RAB11FIP1: variants seen among roughly 807,000 people sequenced by gnomAD.
RAB11FIP1 encodes rab11 family-interacting protein 1.
RAB11FIP1 carries 49 observed loss-of-function variants against 83.1 expected under a neutral mutation model. The observed-to-expected ratio is 0.59, with a 90% CI of 0.47 to 0.75. The LOEUF is 0.75. Ranked by LOEUF, RAB11FIP1 falls within the 30% of genes least tolerant of loss-of-function variation. The pLI is 0.00. For synonymous variants in RAB11FIP1, 670 were observed against 656.0 expected, an observed-to-expected ratio of 1.02 and a Z score of -0.33; for missense variants, 1,536 against 1,598.7, an observed-to-expected ratio of 0.96 and a Z score of 0.67.
chr8:37,878,435 G>A (rs1006773906), intron 1 of RAB11FIP1, among the ~76,000 whole-genome samples: 12 of 150,706 alleles, frequency 8.0e-5, no homozygotes, highest in East Asian at 2.0e-4. Flanking sequence ...TCAGGAGACC[G>A]TGGCAGGAGA....
At chr8:37,883,613 A>G (rs550691658) in intron 1 of RAB11FIP1, among the ~76,000 whole-genome samples, 2 of 152,376 alleles carry the variant, frequency 1.3e-5, no homozygotes, top group East Asian at 3.9e-4. Flanking sequence ...AAACCAGAAG[A>G]ACACATCTGG....
chr8:37,881,679 G>A (rs982590243), intron 1 of RAB11FIP1, among the ~76,000 whole-genome samples: 1 of 152,086 alleles, frequency 6.6e-6, no homozygotes, highest in Admixed American at 6.6e-5. Flanking sequence ...GGTGGGTGTT[G>A]CAAGACGCAA....
intron 1 of RAB11FIP1, among the ~76,000 whole-genome samples, chr8:37,894,032 G>C (rs973076039): frequency 6.6e-6 from 1 of 152,192 alleles, no homozygotes; most frequent in African/African-American, 2.4e-5. Flanking sequence ...ATTCAGGCTT[G>C]AGCACTGAGC....
At position 37,872,737 on chromosome 8, in the gene RAB11FIP1, AC is replaced by A; in HGVS notation, c.2064del (p.Glu688AspfsTer51). On this transcript the variant is annotated frameshift_variant, in exon 4 of 6. Transcript: ENST00000330843. LOFTEE classifies it high-confidence loss of function. ...GGCTGCTCTGGGAGAGACTCCTCCA[AC>A]TCAAGGCTGCTGGTGTTCTTCTCTG... is the stretch of plus-strand genomic sequence containing the variant. ...TGTEKNTSSLELEESLPEQPE... is the reference protein window; with the variant it reads ...TGTEKNTSSLXLEESLPEQPE... 6.2e-7 allele frequency: 1 copy of A among 1,614,106 alleles called. No individual in the cohort carries two copies. The highest frequency in any genetic ancestry group is 1.1e-5 in the South Asian group (1 of 91,080).
In RAB11FIP1 at chr8:37,874,883, C is replaced by T; in HGVS notation, c.1254G>A (p.Glu418=). 13 of 1,614,124 alleles carry T rather than the reference C, an allele frequency of 8.1e-6. No homozygotes were observed. Among genetic ancestry groups the T allele is most frequent in the Non-Finnish European group, 1.1e-5 (13 of 1,180,024 alleles). The change falls in exon 3 of 6, where the codon GAG becomes GAA. Residue 418 remains glutamate (E), a synonymous_variant. Transcript: ENST00000330843. ...LRENMAPANS[E]ATKEAKESKK... ...TGCTCTCCTTAGCTTCTTTTGTGGC[C>T]TCTGAGTTTGCGGGGGCCATGTTTT...
At position 37,870,503 on chromosome 8, in the gene RAB11FIP1, C is replaced by T; in HGVS notation, c.3550G>A (p.Ala1184Thr). Residue 1184 changes from alanine to threonine, a missense_variant, in exon 5 of 6, where the codon GCA becomes ACA. Ala to Thr is a moderately conservative substitution (Grantham distance 58). Coordinates refer to ENST00000330843, the MANE Select transcript of RAB11FIP1 (RefSeq NM_001002814.3). Reference sequence around the variant, plus strand: ...CAGTTAGCAACCTTGGTGGCCATTGCATTCATTGGCTTCACAGGATGAAGT... The same window carrying T: ...CAGTTAGCAACCTTGGTGGCCATTGTATTCATTGGCTTCACAGGATGAAGT... ...HRLHPVKPMN[A>T]MATKVANCSL... The T allele has an allele frequency of 1.9e-6, 3 of 1,594,652 alleles. No individual in the cohort carries two copies. Among genetic ancestry groups the T allele is most frequent in the Non-Finnish European group, 2.6e-6 (3 of 1,163,026 alleles).
At chr8:37,867,029 C>G (rs1479563643) in intron 5 of RAB11FIP1, among the ~76,000 whole-genome samples, 2 of 152,124 alleles carry the variant, frequency 1.3e-5, no homozygotes, top group African/African-American at 2.4e-5. Flanking sequence ...TAGATAAGCC[C>G]TTGAATTAAA....
At chr8:37,874,429 G>C in intron 3 of RAB11FIP1, 86 bp downstream of exon 3, 2 of 1,044,676 alleles carry the variant, frequency 1.9e-6, no homozygotes, top group East Asian at 4.7e-5. Context: ...TGATATCATG[G>C]GACCCACAAG....
rs1028060034 is a variant in RAB11FIP1, at chr8:37,859,535, T to C, written c.*3360A>G. On this transcript the variant is annotated 3_prime_UTR_variant, in exon 6 of 6. Coordinates refer to ENST00000330843, the MANE Select transcript of RAB11FIP1 (RefSeq NM_001002814.3). ...AGGGCAGACTTACTCCTTCATCCACTCTGCTGCCTTGATGAGGTGAACACA... is the reference window on the plus strand; with the variant it reads ...AGGGCAGACTTACTCCTTCATCCACCCTGCTGCCTTGATGAGGTGAACACA... 6.6e-6 allele frequency: 1 copy of C among 152,286 alleles called. No individual in the cohort carries two copies. The highest frequency in any genetic ancestry group is 1.5e-5 in the Non-Finnish European group (1 of 68,112). The allele number at this position is 152,286 out of a possible 1,614,324, so 9.4% of individuals were successfully genotyped here. A position where few individuals can be genotyped will look rare whatever the true frequency, so the allele number is the denominator to read the frequency against.
At position 37,899,055 on chromosome 8, in the gene RAB11FIP1, C is replaced by T. The variant is rs1457473730; in HGVS notation, c.371+16G>A. 1.9e-5 allele frequency: 28 copies of T among 1,463,818 alleles called. No homozygotes were observed. Among genetic ancestry groups the T allele is most frequent in the Non-Finnish European group, 2.5e-5 (28 of 1,116,986 alleles). 90.7% of individuals were successfully genotyped at this position (1,463,818 alleles called of 1,614,324 possible). On this transcript the variant is annotated intron_variant, in intron 1 of 5. Coordinates refer to ENST00000330843, the MANE Select transcript of RAB11FIP1 (RefSeq NM_001002814.3). This position sits in a 1 kb window ranked among gnomAD's most constrained non-coding sequence, Gnocchi z 4.5. ...GCGCCCCCAGGCCGGGCCCTCCCCT[C>T]CCCGCCCGCACTCACTGCGTCTTCC...
rs79502532 is a variant in RAB11FIP1, at chr8:37,872,968, T to C, written c.1834A>G (p.Ile612Val). 2,858 of 1,614,062 alleles carry C rather than the reference T, an allele frequency of 1.8e-3. 24 individuals carry two copies. The African/African-American group carries it at 0.019, about 11-fold the overall frequency. ...CTGTCTACGAGAGGCCAGCTTTCAATTGGAGTGGATGTGGAAATGGGAGCT... is the reference window on the plus strand; with the variant it reads ...CTGTCTACGAGAGGCCAGCTTTCAACTGGAGTGGATGTGGAAATGGGAGCT... ...IAAPISTSTPIESWPLVDRGQ... is the reference protein window; with the variant it reads ...IAAPISTSTPVESWPLVDRGQ... The change falls in exon 4 of 6, where the codon ATT (isoleucine) becomes GTT (valine). Residue 612 changes from isoleucine (I) to valine (V), a missense_variant. Transcript: ENST00000330843.
In RAB11FIP1 at chr8:37,861,079, A is replaced by G. The variant is rs1178536638; in HGVS notation, c.*1816T>C. 2.0e-5 allele frequency: 3 copies of G among 153,078 alleles called. No individual in the cohort carries two copies. Among genetic ancestry groups the G allele is most frequent in the African/African-American group, 7.2e-5 (3 of 41,472 alleles). 9.5% of individuals were successfully genotyped at this position (153,078 alleles called of 1,614,324 possible). Reference sequence around the variant, plus strand: ...AGATTCTATCATAGCCAGGGAAAAAAATGAGAAATACCAGAAACATTCTAA... The same window carrying G: ...AGATTCTATCATAGCCAGGGAAAAAGATGAGAAATACCAGAAACATTCTAA... On this transcript the variant is annotated 3_prime_UTR_variant, in exon 6 of 6. Coordinates refer to ENST00000330843, the MANE Select transcript of RAB11FIP1 (RefSeq NM_001002814.3).
intron 1 of RAB11FIP1, among the ~76,000 whole-genome samples, chr8:37,890,856 T>C (rs1466463560): frequency 6.6e-6 from 1 of 152,024 alleles, no homozygotes; most frequent in African/African-American, 2.4e-5. Context: ...AGCAGAGCTT[T>C]GATTTCATAC....
At chr8:37,893,810 G>C (rs1807006510) in intron 1 of RAB11FIP1, among the ~76,000 whole-genome samples, 3 of 151,698 alleles carry the variant, frequency 2.0e-5, no homozygotes, top group Admixed American at 2.0e-4. Flanking sequence ...ATAAACTTTA[G>C]AAACAAGAAG....
chr8:37,871,463 A>G lies in RAB11FIP1; in HGVS notation c.3339T>C (p.Ser1113=). 2.5e-6 allele frequency: 4 copies of G among 1,613,938 alleles called. No homozygotes were observed. The highest frequency in any genetic ancestry group is 3.4e-6 in the Non-Finnish European group (4 of 1,179,904). ...IFPVTHSFPS[S]AHSDTHHTST... Reference sequence around the variant, plus strand: ...TGGTGTGGTGAGTGTCAGAATGTGCAGAGCTGGGGAAAGAGTGTGTGACAG... The same window carrying G: ...TGGTGTGGTGAGTGTCAGAATGTGCGGAGCTGGGGAAAGAGTGTGTGACAG... Residue 1113 remains serine, a synonymous_variant, in exon 4 of 6, where the codon TCT becomes TCC. Transcript: ENST00000330843.
intron 5 of RAB11FIP1, among the ~76,000 whole-genome samples, chr8:37,863,361 T>C (rs995339625): frequency 2.4e-4 from 36 of 152,110 alleles, no homozygotes; most frequent in Admixed American, 5.2e-4. Flanking sequence ...TTCTCCCACC[T>C]CAGCCTCCTG....
chr8:37,884,109 G>A (rs1230277934), intron 1 of RAB11FIP1, among the ~76,000 whole-genome samples: 1 of 151,730 alleles, frequency 6.6e-6, no homozygotes, highest in Non-Finnish European at 1.5e-5. Flanking sequence ...CTATTGCCCA[G>A]GCTGGAGTAC....
Position 37,871,620 on chromosome 8 carries a change from C to A in RAB11FIP1, c.3182G>T (p.Ser1061Ile), listed in dbSNP as rs1460898637. The A allele has an allele frequency of 1.9e-6, 3 of 1,606,490 alleles. No homozygotes were observed. The highest frequency in any genetic ancestry group is 2.6e-6 in the Non-Finnish European group (3 of 1,174,466). Residue 1061 changes from serine (S) to isoleucine (I), a missense_variant, in exon 4 of 6, where the codon AGC becomes ATC. By Grantham distance (142) the Ser-to-Ile change is moderately radical. Transcript: ENST00000330843. ...IHKPHLGKSSSLDKQLPGPSG... is the reference protein window; with the variant it reads ...IHKPHLGKSSILDKQLPGPSG... ...GGGGCCTGGCAGCTGTTTATCCAAG[C>A]TTGAGCTCTTGCCAAGATGTGGTTT...
chr8:37,873,084 T>C lies in RAB11FIP1; in HGVS notation c.1718A>G (p.Gln573Arg). 1 of 1,614,008 alleles carries C rather than the reference T, an allele frequency of 6.2e-7. No individual in the cohort carries two copies. The highest frequency in any genetic ancestry group is 8.5e-7 in the Non-Finnish European group (1 of 1,180,004). Residue 573 changes from glutamine to arginine, a missense_variant, in exon 4 of 6, where the codon CAG (glutamine) becomes CGG (arginine). By Grantham distance (43) the Gln-to-Arg change is conservative (BLOSUM62 1). Transcript: ENST00000330843. ...TCCCAATTCAGAGGGGACAGATGCC[T>C]GGCCAGAGCTAGAAGGAAGAGGAGG... ...SLPPLPSSSG[Q>R]ASVPSELGHG...
Sources: allele counts gnomAD v4.1 joint callset (sites outside exome capture counted in the v4.1 genomes callset), GRCh38; gene constraint gnomAD v4.1.1; non-coding constraint Gnocchi (gnomAD v3.1); transcripts MANE v1.5; gene names NCBI Gene and HGNC (gene_info 2026-07-23, HGNC 2026-07-21).